Variants in HSPA12A observed in about 807,000 individuals in gnomAD.
HSPA12A encodes the protein heat shock protein family A (Hsp70) member 12A, also known as heat shock 70 kDa protein 12A.
Under a neutral mutation model 69.2 loss-of-function variants are expected in HSPA12A, and 28 were observed. The observed-to-expected ratio is 0.40, with a 90% CI of 0.30 to 0.55. HSPA12A has a LOEUF of 0.55. HSPA12A is among the 20% of genes least tolerant of loss of function. The pLI is 0.38. For missense variants in HSPA12A, 686 were observed against 900.7 expected (o/e 0.76, Z 3.05); for synonymous variants, 345 against 370.5 (o/e 0.93, Z 0.79).
At chr10:116,804,121 C>CCCTCCCTCTTGTCCTT (rs1845017815) in intron 2 of HSPA12A, among the ~76,000 whole-genome samples, 1 of 152,156 alleles carries the variant, frequency 6.6e-6, no homozygotes, top group African/African-American at 2.4e-5. Context: ...TTGCTTCCCT[C>CCCTCCCTCTTGTCCTT]CCTCCCTCTT....
At chr10:116,791,265 GA>G (rs1311201298) in intron 2 of HSPA12A, among the ~76,000 whole-genome samples, 2 of 152,200 alleles carry the variant, frequency 1.3e-5, no homozygotes. Context: ...GCTCCCAAAG[GA>G]GGTCAGATGT....
At position 116,710,145 on chromosome 10, in the gene HSPA12A, G is replaced by A. The variant is rs938084084; in HGVS notation, c.41-2860C>T. 9.8e-5 allele frequency among the ~76,000 whole-genome samples: 15 copies of A among 152,302 alleles called. No homozygotes were observed. The East Asian group carries it at 2.3e-3, about 24-fold the overall frequency. On this transcript the variant is annotated intron_variant, in intron 1 of 11. Coordinates refer to ENST00000369209, the MANE Select transcript of HSPA12A (RefSeq NM_025015.3). The surrounding 1 kb of genome is among the most constrained non-coding windows in gnomAD (Gnocchi z 4.1). ...TTCCAGCCAGATGGTCCTTCCACCTGTTGGTGAGAGGTCCTCCCTGCCCAC... is the reference window on the plus strand; with the variant it reads ...TTCCAGCCAGATGGTCCTTCCACCTATTGGTGAGAGGTCCTCCCTGCCCAC...
At chr10:116,815,122 G>A (rs1011375126) in intron 2 of HSPA12A, among the ~76,000 whole-genome samples, 6 of 151,306 alleles carry the variant, frequency 4.0e-5, no homozygotes, top group African/African-American at 7.3e-5. Context: ...ATTAGCACCA[G>A]CTCTTTTCTT....
chr10:116,834,815 G>A (rs1003547480), intron 2 of HSPA12A: 2 of 435,598 alleles, frequency 4.6e-6, no homozygotes, highest in Middle Eastern at 6.8e-4. Context: ...CATCTTACAC[G>A]TGCAGAAGTT....
chr10:116,695,837 A>C (rs1413850353), intron 5 of HSPA12A, among the ~76,000 whole-genome samples: 1 of 106,120 alleles, frequency 9.4e-6, no homozygotes, highest in Admixed American at 8.7e-5. Flanking sequence ...AAACAAAGAA[A>C]AAAGAAAAAA....
chr10:116,675,261 C>T lies in HSPA12A; in HGVS notation c.1548G>A (p.Lys516=). ...IPQDVGLTIL[K]GAVLFGLDPA... ...GGTCCAGGCCAAAGAGGACGGCACC[C>T]TTGAGGATGGTGAGGCCCACGTCCT... The change falls in exon 12 of 12, where the codon AAG becomes AAA. Residue 516 remains lysine, a synonymous_variant. Transcript: ENST00000369209. The surrounding 1 kb of genome is among the most constrained non-coding windows in gnomAD (Gnocchi z 5.2). 1.2e-6 allele frequency: 2 copies of T among 1,613,694 alleles called. No homozygotes were observed. Among genetic ancestry groups the T allele is most frequent in the East Asian group, 2.2e-5 (1 of 44,860 alleles).
chr10:116,707,282 G>T lies in HSPA12A; in HGVS notation c.44C>A (p.Thr15Lys). ...EAGGSDGPRETAPTSAYSSPA... is the reference protein window; with the variant it reads ...EAGGSDGPREKAPTSAYSSPA... ...AGATGAATATGCAGATGTGGGAGCCGTTTCTGAAAGGAAAAACAAAGCCGC... is the reference window on the plus strand; with the variant it reads ...AGATGAATATGCAGATGTGGGAGCCTTTTCTGAAAGGAAAAACAAAGCCGC... The change falls in exon 2 of 12, where the codon ACG becomes AAG. Residue 15 changes from threonine (T) to lysine (K), a missense_variant. Thr to Lys is a moderately conservative substitution (Grantham distance 78, BLOSUM62 -1). Transcript: ENST00000369209. The T allele has an allele frequency of 1.2e-6, 2 of 1,610,676 alleles. No homozygotes were observed. The highest frequency in any genetic ancestry group is 1.7e-6 in the Non-Finnish European group (2 of 1,178,694).
At chr10:116,717,890 G>A (rs928402147) in intron 1 of HSPA12A, among the ~76,000 whole-genome samples, 1 of 152,142 alleles carries the variant, frequency 6.6e-6, no homozygotes, top group Non-Finnish European at 1.5e-5. Context: ...GGAAACGTGA[G>A]GGCCGGTGCT....
At chr10:116,844,182 T>C (rs1845844741) in intron 1 of HSPA12A, among the ~76,000 whole-genome samples, 1 of 152,206 alleles carries the variant, frequency 6.6e-6, no homozygotes, top group Non-Finnish European at 1.5e-5. Context: ...TCTCCCCTAT[T>C]TATTAACTGT....
intron 6 of HSPA12A, among the ~76,000 whole-genome samples, chr10:116,688,948 C>T (rs1223167855): frequency 1.3e-5 from 2 of 152,188 alleles, no homozygotes; most frequent in African/African-American, 4.8e-5. Context: ...ATCATCTTTT[C>T]ACTGAATGCT....
At chr10:116,783,716 T>C (rs1418553605) in intron 2 of HSPA12A, among the ~76,000 whole-genome samples, 1 of 152,192 alleles carries the variant, frequency 6.6e-6, no homozygotes, top group Non-Finnish European at 1.5e-5. Context: ...TATACCACCA[T>C]TTATGGGTAT....
intron 5 of HSPA12A, among the ~76,000 whole-genome samples, chr10:116,694,600 G>A (rs1849831241): frequency 6.6e-6 from 1 of 151,994 alleles, no homozygotes; most frequent in Non-Finnish European, 1.5e-5. Context: ...AATTTGAAAC[G>A]CACCAACATC....
intron 1 of HSPA12A, among the ~76,000 whole-genome samples, chr10:116,726,029 A>ACACACACG: frequency 1.6e-5 from 1 of 61,076 alleles, no homozygotes; most frequent in East Asian, 4.0e-4. Flanking sequence ...ACACACACGC[A>ACACACACG]CACACACACA....
upstream of HSPA12A, chr10:116,849,851 T>C: frequency 8.8e-7 from 1 of 1,140,176 alleles, no homozygotes; most frequent in East Asian, 2.6e-5. Context: ...GCCCGGGCCC[T>C]GGGCCTGCGT....
chr10:116,830,323 G>C (rs190839437), intron 2 of HSPA12A: 1 of 152,114 alleles, frequency 6.6e-6, no homozygotes, highest in Non-Finnish European at 1.5e-5. Context: ...TGTAACACAC[G>C]TATATTCCTC....
intron 2 of HSPA12A, among the ~76,000 whole-genome samples, chr10:116,757,747 T>C (rs1843883104): frequency 6.6e-6 from 1 of 152,180 alleles, no homozygotes; most frequent in Non-Finnish European, 1.5e-5. Flanking sequence ...AGGGATGTGA[T>C]GAAGATTAAA....
At chr10:116,796,977 C>G (rs2133161577) in intron 2 of HSPA12A, among the ~76,000 whole-genome samples, 1 of 152,310 alleles carries the variant, frequency 6.6e-6, no homozygotes, top group East Asian at 1.9e-4. Flanking sequence ...TTTTTATTTT[C>G]CCTGCATGAT....
At chr10:116,766,297 C>T (rs781784405) in intron 2 of HSPA12A, among the ~76,000 whole-genome samples, 3 of 152,152 alleles carry the variant, frequency 2.0e-5, no homozygotes, top group Non-Finnish European at 2.9e-5. Flanking sequence ...GGTTGAAAAA[C>T]TGAAATTCTT....
Position 116,686,571 on chromosome 10 carries a change from C to T in HSPA12A, c.664-2609G>A, listed in dbSNP as rs782671563. On this transcript the variant is annotated intron_variant, in intron 6 of 11. Transcript: ENST00000369209. The surrounding 1 kb of genome is among the most constrained non-coding windows in gnomAD (Gnocchi z 4.1). Reference sequence around the variant, plus strand: ...AGGCAAAGACCCAGACGCTACATTACGGTTACCATGTCCCACTGGGATGTC... The same window carrying T: ...AGGCAAAGACCCAGACGCTACATTATGGTTACCATGTCCCACTGGGATGTC... Among the ~76,000 whole-genome samples the T allele has an allele frequency of 6.6e-6, 1 of 152,200 alleles. No individual in the cohort carries two copies. Among genetic ancestry groups the T allele is most frequent in the East Asian group, 1.9e-4 (1 of 5,196 alleles).
Sources: allele counts gnomAD v4.1 joint callset (sites outside exome capture counted in the v4.1 genomes callset), GRCh38; gene constraint gnomAD v4.1.1; non-coding constraint Gnocchi (gnomAD v3.1); transcripts MANE v1.5; gene names NCBI Gene and HGNC (gene_info 2026-07-23, HGNC 2026-07-21).